MARCHF1: variants seen among roughly 807,000 people sequenced by gnomAD.
MARCHF1 encodes the protein E3 ubiquitin-protein ligase MARCHF1.
Under a neutral mutation model 54.2 loss-of-function variants are expected in MARCHF1, and 40 were observed. The observed-to-expected ratio is 0.74, with a 90% CI of 0.57 to 0.96. MARCHF1 has a LOEUF of 0.96. Among genes scored for constraint, MARCHF1 ranks in the 40% least tolerant of loss-of-function variants. MARCHF1 has a pLI of 0.00. For missense variants in MARCHF1, 586 were observed against 656.5 expected, an observed-to-expected ratio of 0.89 and a Z score of 1.17; for synonymous variants, 236 against 236.3, an observed-to-expected ratio of 1.00 and a Z score of 0.01.
chr4:163,585,502 C>A, intron 8 of MARCHF1: 1 of 308,164 alleles, frequency 3.2e-6, no homozygotes, highest in Non-Finnish European at 5.9e-6. Flanking sequence ...TACGTGCACA[C>A]ACTGACTTTT....
intron 1 of MARCHF1, among the ~76,000 whole-genome samples, chr4:164,289,986 T>TTCAC (rs1734248085): frequency 6.6e-6 from 1 of 151,906 alleles, no homozygotes; most frequent in African/African-American, 2.4e-5. Context: ...CTTCTCCTAC[T>TTCAC]TCACCTCCTT....
chr4:163,977,278 T>C (rs1752666803), intron 3 of MARCHF1, among the ~76,000 whole-genome samples: 1 of 152,102 alleles, frequency 6.6e-6, no homozygotes, highest in Non-Finnish European at 1.5e-5. Context: ...CAAGAATGTA[T>C]AAGCATAAAT....
chr4:163,590,054 T>C (rs955928980), intron 7 of MARCHF1, among the ~76,000 whole-genome samples: 14 of 134,672 alleles, frequency 1.0e-4, no homozygotes, highest in African/African-American at 4.3e-4. Flanking sequence ...AATTTTAGAT[T>C]TTGGTGTGTG....
intron 2 of MARCHF1, among the ~76,000 whole-genome samples, chr4:164,059,581 A>G (rs969469947): frequency 6.6e-6 from 1 of 152,234 alleles, no homozygotes; most frequent in Non-Finnish European, 1.5e-5. Context: ...GCTTTTGTGT[A>G]TCATCAAACT....
chr4:164,251,252 C>A (rs1733114548), intron 1 of MARCHF1, among the ~76,000 whole-genome samples: 1 of 152,094 alleles, frequency 6.6e-6, no homozygotes, highest in African/African-American at 2.4e-5. Context: ...TTCTAACGTT[C>A]AAAGGCATAA....
chr4:163,610,793 G>T (rs1741311887), intron 7 of MARCHF1, among the ~76,000 whole-genome samples: 1 of 151,964 alleles, frequency 6.6e-6, no homozygotes, highest in Non-Finnish European at 1.5e-5. Flanking sequence ...GTACAGTCGA[G>T]CCCTCTCCAC....
At chr4:164,062,812 C>T (rs1262916508) in intron 2 of MARCHF1, among the ~76,000 whole-genome samples, 4 of 152,298 alleles carry the variant, frequency 2.6e-5, no homozygotes, top group Non-Finnish European at 4.4e-5. Flanking sequence ...GCATGAGTCA[C>T]CACGCCAGGC....
At chr4:163,893,991 A>G (rs141684762) in intron 3 of MARCHF1, among the ~76,000 whole-genome samples, 1 of 152,338 alleles carries the variant, frequency 6.6e-6, no homozygotes, top group African/African-American at 2.4e-5. Flanking sequence ...ATGTTCCTCA[A>G]TAAGTTGAAT....
At chr4:164,167,000 A>T (rs1352709551) in intron 1 of MARCHF1, among the ~76,000 whole-genome samples, 5 of 150,796 alleles carry the variant, frequency 3.3e-5, no homozygotes, top group Admixed American at 3.3e-4. Context: ...TATAAAGCTT[A>T]TATACTCTCA....
intron 5 of MARCHF1, among the ~76,000 whole-genome samples, chr4:163,671,002 T>C (rs955305816): frequency 6.6e-6 from 1 of 152,210 alleles, no homozygotes; most frequent in Admixed American, 6.5e-5. Context: ...ATTCATTGAT[T>C]TCACCTCTTC....
intron 3 of MARCHF1, among the ~76,000 whole-genome samples, chr4:163,912,718 A>C (rs1340214996): frequency 6.6e-6 from 1 of 152,182 alleles, no homozygotes; most frequent in East Asian, 1.9e-4. Flanking sequence ...TTAAGACAAA[A>C]CAATCATATA....
At position 163,528,753 on chromosome 4, in the gene MARCHF1, C is replaced by A. The variant is rs748087898; in HGVS notation, c.1633G>T (p.Val545Phe). The stretch of plus-strand genomic sequence containing the variant: ...GAAACTCCCAACAGGTTCCATCAGA[C>A]TGATACAACTTCAGGGGGGCCACCC... Reference protein sequence around the residue: ...AEGGPPEVVSV With the variant: ...AEGGPPEVVSF The change falls in exon 10 of 10, where the codon GTC (valine) becomes TTC (phenylalanine). Residue 545 changes from valine (V) to phenylalanine (F), a missense_variant. Around this residue, in one of 3 missense-constraint regions of MARCHF1, gnomAD observed 106 missense variants for 93.8 expected, o/e 1.13. Coordinates refer to ENST00000514618, the MANE Select transcript of MARCHF1 (RefSeq NM_001394959.1). 2 of 1,608,296 alleles carry A rather than the reference C, an allele frequency of 1.2e-6. No homozygotes were observed. The highest frequency in any genetic ancestry group is 3.3e-5 in the Admixed American group (2 of 59,726).
intron 4 of MARCHF1, among the ~76,000 whole-genome samples, chr4:163,845,748 G>A (rs575649277): frequency 2.0e-5 from 3 of 152,152 alleles, no homozygotes; most frequent in South Asian, 2.1e-4. Context: ...TAGAGGAAAC[G>A]ATTTATTCAT....
chr4:163,827,183 T>C (rs775049764), intron 4 of MARCHF1, among the ~76,000 whole-genome samples: 2 of 152,084 alleles, frequency 1.3e-5, no homozygotes, highest in Non-Finnish European at 2.9e-5. Flanking sequence ...TGTAGTGATA[T>C]AGAACTGTTT....
intron 7 of MARCHF1, among the ~76,000 whole-genome samples, chr4:163,610,106 T>G (rs1741284328): frequency 6.6e-6 from 1 of 152,022 alleles, no homozygotes; most frequent in South Asian, 2.1e-4. Flanking sequence ...CCTCTTCTTC[T>G]TTAGGGGTTT....
At position 163,532,015 on chromosome 4, in the gene MARCHF1, A is replaced by G. The variant is rs546501235; in HGVS notation, c.1340-2969T>C. ...TTAATATTATATTATTAAGATATCT[A>G]TTCTTCCCAGTTTGATCTACAGATT... On this transcript the variant is annotated intron_variant, in intron 9 of 9. Coordinates refer to ENST00000514618, the MANE Select transcript of MARCHF1 (RefSeq NM_001394959.1). Among the ~76,000 whole-genome samples the G allele has an allele frequency of 7.9e-5, 12 of 152,054 alleles. No individual in the cohort carries two copies. The East Asian group carries it at 1.7e-3, about 22-fold the overall frequency.
At chr4:163,936,638 C>T (rs765269989) in intron 3 of MARCHF1, among the ~76,000 whole-genome samples, 71 of 152,230 alleles carry the variant, frequency 4.7e-4, no homozygotes, top group Non-Finnish European at 8.1e-4. Flanking sequence ...CAGGCACTAC[C>T]CATCTGCTTT....
intron 4 of MARCHF1, among the ~76,000 whole-genome samples, chr4:163,739,497 C>A (rs1342482132): frequency 1.3e-5 from 2 of 152,148 alleles, no homozygotes; most frequent in African/African-American, 4.8e-5. Context: ...TGTTATAGAA[C>A]AGTAATTTCA....
intron 1 of MARCHF1, among the ~76,000 whole-genome samples, chr4:164,313,996 G>C (rs541760705): frequency 1.3e-5 from 2 of 152,350 alleles, no homozygotes; most frequent in Non-Finnish European, 2.9e-5. Context: ...TCAGATGCCA[G>C]AAGGAGTGCT....
Sources: gnomAD v4.1 joint callset for allele counts (sites outside exome capture counted in the v4.1 genomes callset) on GRCh38, gnomAD v4.1.1 for gene constraint, gnomAD v4.1.1 regional missense constraint, MANE v1.5 for transcripts, NCBI Gene and HGNC (gene_info 2026-07-23, HGNC 2026-07-21) for gene names.